Variants in OR2L13 observed in about 807,000 individuals in gnomAD.
OR2L13 encodes the protein olfactory receptor family 2 subfamily L member 13.
In OR2L13, 14 loss-of-function variants were observed where a neutral mutation model predicts 15.3. That is an observed-to-expected ratio of 0.91 (90% CI 0.60 to 1.43). The LOEUF (loss-of-function observed/expected upper bound fraction) is 1.43. OR2L13 is among the 40% of genes most tolerant of loss of function. OR2L13 has a pLI of 0.00. For missense variants in OR2L13, 367 were observed against 387.9 expected, an observed-to-expected ratio of 0.95 and a Z score of 0.45; for synonymous variants, 152 against 142.9, an observed-to-expected ratio of 1.06 and a Z score of -0.45.
the OR2L13 span, among the ~76,000 whole-genome samples, chr1:248,035,842 A>G: frequency 6.6e-6 from 1 of 152,064 alleles, no homozygotes; most frequent in African/African-American, 2.4e-5. Context: ...ATTCCACTTT[A>G]TATCTGCAGT....
the OR2L13 span, among the ~76,000 whole-genome samples, chr1:248,057,537 A>T: frequency 3.9e-5 from 6 of 152,140 alleles, no homozygotes; most frequent in African/African-American, 1.2e-4. Flanking sequence ...ATCTTTGCAC[A>T]TAAGATGTGT....
the OR2L13 span, among the ~76,000 whole-genome samples, chr1:247,955,872 A>C: frequency 1.3e-5 from 2 of 151,476 alleles, no homozygotes; most frequent in Non-Finnish European, 2.9e-5. Context: ...GATTGCAAAA[A>C]TTTTCTCCCA....
At chr1:248,073,647 T>A in the OR2L13 span, among the ~76,000 whole-genome samples, 2 of 149,118 alleles carry the variant, frequency 1.3e-5, no homozygotes, top group South Asian at 4.2e-4. Flanking sequence ...TAAAAAAGAA[T>A]TAAAAAAATA....
At chr1:247,965,293 G>T in the OR2L13 span, 13 of 1,427,260 alleles carry the variant, frequency 9.1e-6, no homozygotes, top group African/African-American at 1.8e-4. Context: ...TGAATGCCAT[G>T]TCATTTTACT....
At chr1:248,044,534 T>C in the OR2L13 span, among the ~76,000 whole-genome samples, 16 of 85,042 alleles carry the variant, frequency 1.9e-4, 1 homozygote, top group African/African-American at 1.1e-3. Context: ...CCGGGCGCGG[T>C]GGCTCACGCC....
chr1:248,076,561 T>C, the OR2L13 span, among the ~76,000 whole-genome samples: 14 of 152,292 alleles, frequency 9.2e-5, no homozygotes, highest in East Asian at 2.7e-3. Context: ...AGGTCCTTCA[T>C]ATCCCTTGTA....
At chr1:247,958,036 G>T in the OR2L13 span, among the ~76,000 whole-genome samples, 1 of 151,566 alleles carries the variant, frequency 6.6e-6, no homozygotes, top group Non-Finnish European at 1.5e-5. Context: ...GTGATGTTAG[G>T]GTGTCAATTT....
chr1:247,967,045 C>CCACACACACACACACAACA, the OR2L13 span, among the ~76,000 whole-genome samples: 2 of 147,410 alleles, frequency 1.4e-5, 1 homozygote, highest in Non-Finnish European at 3.0e-5. Flanking sequence ...ACACCACACA[C>CCACACACACACACACAACA]CACACACACA....
chr1:248,069,421 T>C, the OR2L13 span, among the ~76,000 whole-genome samples: 1 of 152,132 alleles, frequency 6.6e-6, no homozygotes, highest in Non-Finnish European at 1.5e-5. Flanking sequence ...GACAAGCAAA[T>C]GCTGAGAGAT....
chr1:248,095,595 G>A (rs1326396749), upstream of OR2L13, among the ~76,000 whole-genome samples: 12 of 52,464 alleles, frequency 2.3e-4, no homozygotes, highest in African/African-American at 5.0e-4. Context: ...TGATGTCACT[G>A]TAAAGCTGCT....
chr1:248,039,289 G>A, the OR2L13 span: 9 of 1,288,678 alleles, frequency 7.0e-6, no homozygotes, highest in Non-Finnish European at 9.6e-6. Flanking sequence ...ATTATTACAT[G>A]CCCAGTGTGT....
chr1:248,005,926 A>G, the OR2L13 span, among the ~76,000 whole-genome samples: 1 of 152,168 alleles, frequency 6.6e-6, no homozygotes, highest in African/African-American at 2.4e-5. Context: ...TGCAATGAGC[A>G]GCGTATATTT....
intron 1 of OR2L13, among the ~76,000 whole-genome samples, chr1:248,097,838 G>A (rs1265846867): frequency 2.0e-5 from 3 of 152,284 alleles, no homozygotes; most frequent in South Asian, 2.1e-4. Context: ...GACATGTTGG[G>A]CATCCCCTAA....
the OR2L13 span, chr1:248,038,935 C>G: frequency 6.2e-7 from 1 of 1,614,154 alleles, no homozygotes; most frequent in Non-Finnish European, 8.5e-7. Flanking sequence ...GTTCTCCTTG[C>G]TGTCTACCGC....
the OR2L13 span, among the ~76,000 whole-genome samples, chr1:247,966,645 T>G: frequency 6.6e-6 from 1 of 152,212 alleles, no homozygotes; most frequent in African/African-American, 2.4e-5. Flanking sequence ...CTTCTTTCAC[T>G]CAGGTGTTTT....
At chr1:248,080,581 TC>T in the OR2L13 span, among the ~76,000 whole-genome samples, 1 of 152,210 alleles carries the variant, frequency 6.6e-6, no homozygotes, top group Non-Finnish European at 1.5e-5. Context: ...TCCAGCTTCA[TC>T]CATGTCCCTG....
chr1:247,945,365 G>C, the OR2L13 span, among the ~76,000 whole-genome samples: 1 of 152,168 alleles, frequency 6.6e-6, no homozygotes, highest in Non-Finnish European at 1.5e-5. Flanking sequence ...GCTGTGGTCT[G>C]ACAGACTGTT....
At chr1:247,960,014 C>T in the OR2L13 span, among the ~76,000 whole-genome samples, 9 of 152,200 alleles carry the variant, frequency 5.9e-5, no homozygotes, top group Non-Finnish European at 1.3e-4. Flanking sequence ...AGGAGAGGCG[C>T]TCTGATTTTT....
At chr1:247,964,899 T>C in the OR2L13 span, among the ~76,000 whole-genome samples, 1 of 142,980 alleles carries the variant, frequency 7.0e-6, no homozygotes, top group Non-Finnish European at 1.5e-5. Context: ...TTATATAATA[T>C]TCATAAATAC....
Sources: gnomAD v4.1 joint callset for allele counts (sites outside exome capture counted in the v4.1 genomes callset) on GRCh38, gnomAD v4.1.1 for gene constraint, MANE v1.5 for transcripts, NCBI Gene and HGNC (gene_info 2026-07-23, HGNC 2026-07-21) for gene names.